MINDY4B: variants seen among roughly 807,000 people sequenced by gnomAD.
MINDY4B encodes the protein inactive ubiquitin carboxyl-terminal hydrolase MINDY-4B.
In MINDY4B, 25 loss-of-function variants were observed where a neutral mutation model predicts 16.7. The ratio of observed to expected loss-of-function variants is 1.49; its 90% CI spans 1.09 to 2.09. The LOEUF (loss-of-function observed/expected upper bound fraction) is 2.09. Ranked by LOEUF, MINDY4B falls within the 30% of genes most tolerant of loss-of-function variation. MINDY4B has a pLI of 0.00. For synonymous variants in MINDY4B, 132 were observed against 61.9 expected (o/e 2.13, Z -5.32); for missense variants, 327 against 168.4 (o/e 1.94, Z -5.21).
At chr3:150,899,316 T>C (rs1442900885) in intron 3 of MINDY4B, among the ~76,000 whole-genome samples, 1 of 152,192 alleles carries the variant, frequency 6.6e-6, no homozygotes, top group Non-Finnish European at 1.5e-5. Flanking sequence ...AGGAAACAGA[T>C]GGCATTCTCA....
Position 150,891,061 on chromosome 3 carries a change from G to T in MINDY4B, c.564C>A (p.Ala188=). 1.4e-6 allele frequency: 1 copy of T among 702,800 alleles called. No individual in the cohort carries two copies. The highest frequency in any genetic ancestry group is 2.7e-5 in the East Asian group (1 of 37,296). The allele number at this position is 702,800 out of a possible 1,614,324, so 43.5% of individuals were successfully genotyped here. A position where few individuals can be genotyped will look rare whatever the true frequency, so the allele number is the denominator to read the frequency against. ...CCCACAGGATGCCAGCAAGCGCCGC[G>T]GCCAAGGCTTGCTCCTGCTCCTTCT... is the stretch of plus-strand genomic sequence containing the variant. ...ISKKEQEQAL[A]AALAGILWAA... is the part of the protein sequence containing the mutation. Residue 188 remains alanine, a synonymous_variant, in exon 6 of 12, where the codon GCC becomes GCA. Transcript: ENST00000465419.
At chr3:150,874,261 C>A (rs1202998412) in intron 10 of MINDY4B, among the ~76,000 whole-genome samples, 1 of 152,138 alleles carries the variant, frequency 6.6e-6, no homozygotes, top group African/African-American at 2.4e-5. Context: ...AGCAATCTAC[C>A]TGCCTTGGCC....
intron 10 of MINDY4B, among the ~76,000 whole-genome samples, chr3:150,874,005 A>ATTTTTTT (rs558319330): frequency 4.3e-4 from 35 of 81,992 alleles, no homozygotes; most frequent in African/African-American, 1.5e-3. Context: ...TTTAGCCTTG[A>ATTTTTTT]TTTTTTTTTT....
intron 7 of MINDY4B, among the ~76,000 whole-genome samples, chr3:150,888,553 G>A (rs74617737): frequency 2.7e-3 from 407 of 152,232 alleles, no homozygotes; most frequent in African/African-American, 9.3e-3. Flanking sequence ...TAGTTGATGG[G>A]GGATTGGTAA....
chr3:150,899,551 G>C (rs113197959), intron 3 of MINDY4B, among the ~76,000 whole-genome samples: 3 of 152,244 alleles, frequency 2.0e-5, no homozygotes, highest in Non-Finnish European at 4.4e-5. Context: ...AGCTAGCCAC[G>C]AGCAACCTGA....
At position 150,903,707 on chromosome 3, in the gene MINDY4B, G is replaced by A. The variant is rs1712170616; in HGVS notation, c.142-291C>T. ...CTTGAAATTATGTTTAGAGAAGAAT[G>A]TAAATGTCACTGTCTCTTGTTTTGA... On this transcript the variant is annotated intron_variant, in intron 2 of 11. Transcript: ENST00000465419. Among the ~76,000 whole-genome samples the A allele has an allele frequency of 2.0e-5, 3 of 152,290 alleles. No homozygotes were observed. In the South Asian group the frequency reaches 6.2e-4, roughly 32 times the overall value.
chr3:150,884,518 T>A (rs1170511587), intron 8 of MINDY4B, among the ~76,000 whole-genome samples: 1 of 152,258 alleles, frequency 6.6e-6, no homozygotes, highest in Non-Finnish European at 1.5e-5. Context: ...GTTGTATTTA[T>A]TTTAATACGT....
chr3:150,893,112 T>A (rs961863034), intron 5 of MINDY4B, among the ~76,000 whole-genome samples: 2 of 152,114 alleles, frequency 1.3e-5, no homozygotes, highest in Non-Finnish European at 2.9e-5. Context: ...ATAAAACCTG[T>A]CAACATTATC....
At chr3:150,887,980 C>T (rs908763575) in intron 7 of MINDY4B, among the ~76,000 whole-genome samples, 5 of 151,596 alleles carry the variant, frequency 3.3e-5, no homozygotes, top group Non-Finnish European at 2.9e-5. Flanking sequence ...TGGTGGCGGG[C>T]GCCTGTAGTC....
intron 3 of MINDY4B, among the ~76,000 whole-genome samples, chr3:150,898,736 A>G (rs1203664759): frequency 6.6e-6 from 1 of 152,090 alleles, no homozygotes; most frequent in Non-Finnish European, 1.5e-5. Flanking sequence ...CTTTCCTGGC[A>G]CTTTGTTCCA....
At position 150,885,425 on chromosome 3, in the gene MINDY4B, C is replaced by T. The variant is rs1355271632; in HGVS notation, c.767G>A (p.Gly256Glu). 2.8e-6 allele frequency: 2 copies of T among 702,012 alleles called. No homozygotes were observed. Among genetic ancestry groups the T allele is most frequent in the East Asian group, 2.7e-5 (1 of 37,252 alleles). The allele number at this position is 702,012 out of a possible 1,614,324, so 43.5% of individuals were successfully genotyped here. The change falls in exon 8 of 12, where the codon GGA becomes GAA. Residue 256 changes from glycine (G) to glutamate (E), a missense_variant. By Grantham distance (98) the Gly-to-Glu change is moderately conservative. Transcript: ENST00000465419. ...CAGAAACAGGATGACACCATGGCTT[C>T]CTTCCCCTCTGAACTGTTCGGAAAA... Reference protein sequence around the residue: ...YDHLLCFRGEGSHGVILFLYS... With the variant: ...YDHLLCFRGEESHGVILFLYS...
At chr3:150,880,678 G>A (rs1031558466) in intron 10 of MINDY4B, among the ~76,000 whole-genome samples, 4 of 152,126 alleles carry the variant, frequency 2.6e-5, no homozygotes, top group Admixed American at 6.5e-5. Flanking sequence ...AGTTTATAGC[G>A]AGGATCCAGT....
In MINDY4B at chr3:150,891,011, G is replaced by A. The variant is rs1037768249; in HGVS notation, c.614C>T (p.Thr205Ile). 4.3e-6 allele frequency: 3 copies of A among 702,768 alleles called. No individual in the cohort carries two copies. The African/African-American group carries it at 5.2e-5, about 12-fold the overall frequency. 43.5% of individuals were successfully genotyped at this position (702,768 alleles called of 1,614,324 possible). ...LWAAGAAQKA[T>I]ICLVTEDIYV... ...AATGTCCTCAGTGACAAGACAGATG[G>A]TGGCCTTCTGAGCTGCTCCTGCAGC... Residue 205 changes from threonine to isoleucine, a missense_variant, in exon 6 of 12, where the codon ACC becomes ATC. Coordinates refer to ENST00000465419, the MANE Select transcript of MINDY4B (RefSeq NM_001351281.2).
chr3:150,896,791 T>C (rs1488863131), intron 3 of MINDY4B, among the ~76,000 whole-genome samples: 1 of 151,800 alleles, frequency 6.6e-6, no homozygotes, highest in Non-Finnish European at 1.5e-5. Flanking sequence ...GGCAGGGGGG[T>C]GAAATCTATC....
At chr3:150,880,656 T>A (rs1711514876) in intron 10 of MINDY4B, among the ~76,000 whole-genome samples, 1 of 152,240 alleles carries the variant, frequency 6.6e-6, no homozygotes. Context: ...AAACGCTGTT[T>A]TAAGTCTTTC....
chr3:150,898,668 G>T (rs1013500414), intron 3 of MINDY4B, among the ~76,000 whole-genome samples: 1 of 152,162 alleles, frequency 6.6e-6, no homozygotes. Context: ...ATCAAGCATG[G>T]TTTATAGTTT....
chr3:150,898,323 T>C (rs1712030529), intron 3 of MINDY4B, among the ~76,000 whole-genome samples: 1 of 152,224 alleles, frequency 6.6e-6, no homozygotes, highest in Non-Finnish European at 1.5e-5. Flanking sequence ...TAAGAAGGCT[T>C]AGAATTTAAA....
intron 7 of MINDY4B, among the ~76,000 whole-genome samples, chr3:150,889,577 G>A (rs972400675): frequency 1.3e-4 from 20 of 151,674 alleles, no homozygotes; most frequent in African/African-American, 4.6e-4. Flanking sequence ...TCTTTAGGGG[G>A]ACTAGTCCTC....
intron 3 of MINDY4B, among the ~76,000 whole-genome samples, chr3:150,896,193 A>G (rs915404253): frequency 2.0e-5 from 3 of 152,160 alleles, no homozygotes; most frequent in South Asian, 2.1e-4. Context: ...TTGCATTTCT[A>G]GAAGTGTGTC....
Sources: gnomAD v4.1 joint callset for allele counts (sites outside exome capture counted in the v4.1 genomes callset) on GRCh38, gnomAD v4.1.1 for gene constraint, MANE v1.5 for transcripts, NCBI Gene and HGNC (gene_info 2026-07-23, HGNC 2026-07-21) for gene names.